DCC: variants seen among roughly 807,000 people sequenced by gnomAD.
DCC encodes netrin receptor DCC.
A neutral mutation model predicts 172.5 loss-of-function variants in DCC; 58 were observed. That is an observed-to-expected ratio of 0.34 (90% CI 0.27 to 0.42). DCC has a LOEUF of 0.42. DCC is among the 10% of genes least tolerant of loss of function. DCC has a pLI of 1.00. For synonymous variants in DCC, 709 were observed against 644.5 expected, an observed-to-expected ratio of 1.10 and a Z score of -1.52; for missense variants, 1,740 against 1,791.0, an observed-to-expected ratio of 0.97 and a Z score of 0.51.
At chr18:53,434,131 A>G (rs1911799345) in intron 21 of DCC, among the ~76,000 whole-genome samples, 1 of 152,196 alleles carries the variant, frequency 6.6e-6, no homozygotes, top group African/African-American at 2.4e-5. Context: ...AGAGATGAAG[A>G]AAACTGAAAT....
At chr18:52,948,427 T>C (rs1299753846) in intron 5 of DCC, among the ~76,000 whole-genome samples, 1 of 152,212 alleles carries the variant, frequency 6.6e-6, no homozygotes, top group Non-Finnish European at 1.5e-5. Context: ...GATCAATATC[T>C]TTCAAAGCTA....
intron 1 of DCC, among the ~76,000 whole-genome samples, chr18:52,621,234 A>C (rs972061807): frequency 3.3e-5 from 5 of 152,148 alleles, no homozygotes; most frequent in African/African-American, 1.2e-4. Flanking sequence ...GAATTAATCG[A>C]TTTTTCTCTG....
intron 2 of DCC, among the ~76,000 whole-genome samples, chr18:52,753,364 G>A (rs556616475): frequency 7.0e-4 from 106 of 152,202 alleles, no homozygotes; most frequent in African/African-American, 2.5e-3. Flanking sequence ...AACTGGCTGC[G>A]TAAAGTTATG....
intron 1 of DCC, among the ~76,000 whole-genome samples, chr18:52,403,154 T>C (rs1375797570): frequency 6.6e-6 from 1 of 152,052 alleles, no homozygotes; most frequent in Non-Finnish European, 1.5e-5. Flanking sequence ...GCTTTGCCTA[T>C]AGTAAAGTTT....
intron 1 of DCC, among the ~76,000 whole-genome samples, chr18:52,628,295 C>T (rs1387573291): frequency 2.0e-5 from 3 of 152,146 alleles, no homozygotes; most frequent in East Asian, 3.9e-4. Flanking sequence ...AATTTTCAAA[C>T]ATAATTATGA....
intron 9 of DCC, among the ~76,000 whole-genome samples, chr18:53,179,891 A>G (rs1474401271): frequency 2.0e-5 from 3 of 152,244 alleles, no homozygotes; most frequent in Non-Finnish European, 4.4e-5. Context: ...GGAATTTAAA[A>G]TCAAAATGAA....
intron 3 of DCC, among the ~76,000 whole-genome samples, chr18:52,917,742 T>G (rs1028663861): frequency 6.6e-6 from 1 of 152,192 alleles, no homozygotes; most frequent in Admixed American, 6.5e-5. Context: ...CCTCTTGCTG[T>G]CTGGGAGGAT....
intron 5 of DCC, among the ~76,000 whole-genome samples, chr18:52,958,887 C>G (rs1314403403): frequency 2.6e-5 from 4 of 152,156 alleles, no homozygotes; most frequent in Non-Finnish European, 1.5e-5. Context: ...GCTTGTCCAA[C>G]CCACAGCCCG....
intron 11 of DCC, among the ~76,000 whole-genome samples, chr18:53,212,146 AT>A (rs2144569993): frequency 6.6e-6 from 1 of 152,266 alleles, no homozygotes; most frequent in East Asian, 1.9e-4. Context: ...TGGGAGACTC[AT>A]TTACAATTAT....
chr18:53,210,823 G>T (rs2055739047), intron 11 of DCC, among the ~76,000 whole-genome samples: 1 of 151,550 alleles, frequency 6.6e-6, no homozygotes, highest in Non-Finnish European at 1.5e-5. Flanking sequence ...TGTTCTACTG[G>T]GATGCTTGTA....
At chr18:53,369,308 T>C (rs1052830319) in intron 15 of DCC, among the ~76,000 whole-genome samples, 19 of 151,932 alleles carry the variant, frequency 1.3e-4, no homozygotes, top group African/African-American at 4.6e-4. Flanking sequence ...CTCTAAAAGG[T>C]GTTTTGGTTT....
intron 15 of DCC, among the ~76,000 whole-genome samples, chr18:53,347,281 T>C (rs1254405490): frequency 6.6e-6 from 1 of 152,146 alleles, no homozygotes; most frequent in East Asian, 1.9e-4. Flanking sequence ...TTCATCAAGA[T>C]CTTACTTAAT....
intron 5 of DCC, among the ~76,000 whole-genome samples, chr18:53,057,147 G>A (rs930636405): frequency 1.3e-5 from 2 of 149,134 alleles, no homozygotes; most frequent in Non-Finnish European, 1.5e-5. Flanking sequence ...ATACTTATGG[G>A]CATTTATTAT....
At chr18:53,177,333 AAAAAAAG>A (rs2055118224) in intron 8 of DCC, among the ~76,000 whole-genome samples, 1 of 152,080 alleles carries the variant, frequency 6.6e-6, no homozygotes, top group Non-Finnish European at 1.5e-5. Context: ...AGTATAATAA[AAAAAAAG>A]AAAAAAATTA....
At chr18:52,419,039 T>G (rs751411806) in intron 1 of DCC, 1 of 152,120 alleles carries the variant, frequency 6.6e-6, no homozygotes, top group East Asian at 1.9e-4. Context: ...TTTTGTATTT[T>G]TAGTAGAGAC....
At chr18:52,929,802 G>T (rs963366750) in intron 5 of DCC, among the ~76,000 whole-genome samples, 3 of 145,566 alleles carry the variant, frequency 2.1e-5, no homozygotes, top group Non-Finnish European at 3.0e-5. Context: ...ATAATCCAAA[G>T]ACCTGGACTT....
chr18:53,217,328 C>T (rs1329607382), intron 12 of DCC, among the ~76,000 whole-genome samples: 1 of 129,918 alleles, frequency 7.7e-6, no homozygotes, highest in East Asian at 2.0e-4. Context: ...CACACACACA[C>T]ACACACAAAT....
chr18:53,274,405 T>A (rs910962523), intron 12 of DCC, among the ~76,000 whole-genome samples: 1 of 152,178 alleles, frequency 6.6e-6, no homozygotes, highest in African/African-American at 2.4e-5. Flanking sequence ...AACTTTGCTA[T>A]GTAAGCAGGG....
At chr18:53,298,555 A>AAG (rs2057096713) in intron 12 of DCC, among the ~76,000 whole-genome samples, 1 of 145,836 alleles carries the variant, frequency 6.9e-6, no homozygotes, top group Non-Finnish European at 1.5e-5. Context: ...AAAAAAAAAA[A>AAG]AAGGCTTGCA....
Sources: allele counts gnomAD v4.1 joint callset (sites outside exome capture counted in the v4.1 genomes callset), GRCh38; gene constraint gnomAD v4.1.1; transcripts MANE v1.5; gene names NCBI Gene and HGNC (gene_info 2026-07-23, HGNC 2026-07-21).